Variants in WDR26 observed in about 807,000 individuals in gnomAD.
The protein encoded by WDR26 is WD repeat domain 26.
Under a neutral mutation model 84.1 loss-of-function variants are expected in WDR26, and 5 were observed. The observed-to-expected ratio is 0.06, with a 90% CI of 0.03 to 0.13. WDR26 has a LOEUF of 0.13. Ranked by LOEUF, WDR26 falls within the 10% of genes least tolerant of loss-of-function variation. WDR26 has a pLI of 1.00. For missense variants in WDR26, 642 were observed against 974.9 expected, an observed-to-expected ratio of 0.66 and a Z score of 4.55; for synonymous variants, 415 against 389.6, an observed-to-expected ratio of 1.07 and a Z score of -0.77.
At chr1:224,399,787 GATTT>G (rs1295395333) in intron 9 of WDR26, among the ~76,000 whole-genome samples, 1 of 152,144 alleles carries the variant, frequency 6.6e-6, no homozygotes, top group Non-Finnish European at 1.5e-5. Flanking sequence ...TAAATTAAAT[GATTT>G]ATTATCTTGT....
chr1:224,404,646 C>T (rs1362735027), intron 7 of WDR26, 76 bp from the exon 8 acceptor site: 1 of 1,504,436 alleles, frequency 6.6e-7, no homozygotes, highest in Non-Finnish European at 9.0e-7. Flanking sequence ...ACTTAAATAG[C>T]TACAAAGATG....
intron 13 of WDR26, among the ~76,000 whole-genome samples, chr1:224,393,374 CATGTT>C (rs1181620325): frequency 6.6e-6 from 1 of 152,162 alleles, no homozygotes; most frequent in Non-Finnish European, 1.5e-5. Context: ...AAACACAACT[CATGTT>C]AGTATGATGC....
rs1674558998 is a variant in WDR26 at position 224,434,690 on chromosome 1, C to T, written c.-285G>A. The T allele has an allele frequency of 1.4e-5, 10 of 705,778 alleles. No individual in the cohort carries two copies. The South Asian group carries it at 4.3e-4, about 30-fold the overall frequency. The allele number at this position is 705,778 out of a possible 1,614,324, so 43.7% of individuals were successfully genotyped here. Reference sequence around the variant, plus strand: ...CTGGGCTGAGCCCCGGCAGTGGCTGCGGCGGCGGCGGCGGCGGGCGGCAGC... The same window carrying T: ...CTGGGCTGAGCCCCGGCAGTGGCTGTGGCGGCGGCGGCGGCGGGCGGCAGC... On this transcript the variant is annotated 5_prime_UTR_variant, in exon 1 of 14. Transcript: ENST00000414423.
At chr1:224,393,405 G>A (rs988333157) in intron 13 of WDR26, among the ~76,000 whole-genome samples, 3 of 152,006 alleles carry the variant, frequency 2.0e-5, no homozygotes, top group South Asian at 2.1e-4. Flanking sequence ...GCAAACAGAC[G>A]TTTACTTTTT....
At chr1:224,430,088 A>ATT (rs1674341720) in intron 3 of WDR26, 1 of 152,168 alleles carries the variant, frequency 6.6e-6, no homozygotes, top group Non-Finnish European at 1.5e-5. Flanking sequence ...ATTTTAGCTC[A>ATT]TTCAGTCAGA....
At chr1:224,421,861 T>TATTA (rs1300221914) in intron 4 of WDR26, among the ~76,000 whole-genome samples, 2 of 152,226 alleles carry the variant, frequency 1.3e-5, no homozygotes, top group Admixed American at 1.3e-4. Context: ...CTTTGAGTCC[T>TATTA]GCTTTCTGAA....
intron 12 of WDR26, among the ~76,000 whole-genome samples, chr1:224,397,023 G>A (rs1198639767): frequency 6.6e-6 from 1 of 152,190 alleles, no homozygotes; most frequent in East Asian, 1.9e-4. Flanking sequence ...TAAACCTCAT[G>A]TGCACTTTAT....
rs1673061840 is a variant in WDR26, at chr1:224,389,326, A to T, written c.*509T>A. 1 of 211,660 alleles carries T rather than the reference A, an allele frequency of 4.7e-6. No individual in the cohort carries two copies. The highest frequency in any genetic ancestry group is 5.8e-5 in the Admixed American group (1 of 17,122). The allele number at this position is 211,660 out of a possible 1,614,324, so 13.1% of individuals were successfully genotyped here. ...GGGCAAGGCTAGAATCCATGAACCAAGCTGCAAAGATCTCAAGCTAAATAA... is the reference window on the plus strand; with the variant it reads ...GGGCAAGGCTAGAATCCATGAACCATGCTGCAAAGATCTCAAGCTAAATAA... On this transcript the variant is annotated 3_prime_UTR_variant, in exon 14 of 14. Transcript: ENST00000414423.
chr1:224,389,742 A>G lies in WDR26; in HGVS notation c.*93T>C. The G allele has an allele frequency of 7.9e-7, 1 of 1,258,800 alleles. No individual in the cohort carries two copies. The highest frequency in any genetic ancestry group is 1.2e-5 in the South Asian group (1 of 82,802). 78.0% of individuals were successfully genotyped at this position (1,258,800 alleles called of 1,614,324 possible). On this transcript the variant is annotated 3_prime_UTR_variant, in exon 14 of 14. Transcript: ENST00000414423. ...TTTTTCATGACGAGCATGTCTGTCC[A>G]GCTATCAATCATGTTTGTTTGCACC...
intron 6 of WDR26, among the ~76,000 whole-genome samples, chr1:224,416,851 T>C (rs2102911458): frequency 6.6e-6 from 1 of 152,332 alleles, no homozygotes; most frequent in East Asian, 1.9e-4. Flanking sequence ...AACTATATAG[T>C]CTTTTAATCT....
chr1:224,418,298 T>C lies in WDR26; in HGVS notation c.1281A>G (p.Leu427=). The change falls in exon 6 of 14, where the codon CTA becomes CTG. Residue 427 remains leucine, a synonymous_variant. Coordinates refer to ENST00000414423, the MANE Select transcript of WDR26 (RefSeq NM_001379403.1). ...GGTCTATAAGCAGAGACACAGAATC[T>C]AGATTATTATCAAGTTTGGTATTGT... 6.2e-7 allele frequency: 1 copy of C among 1,613,480 alleles called. No homozygotes were observed. The highest frequency in any genetic ancestry group is 1.1e-5 in the South Asian group (1 of 90,926).
chr1:224,414,983 G>T (rs1673852373), intron 6 of WDR26, among the ~76,000 whole-genome samples: 1 of 152,020 alleles, frequency 6.6e-6, no homozygotes, highest in Non-Finnish European at 1.5e-5. Context: ...CTCCAACTTG[G>T]GCTACAGGGC....
intron 8 of WDR26, 135 bp from the exon 9 acceptor site, chr1:224,401,204 T>A: frequency 1.2e-6 from 1 of 827,354 alleles, no homozygotes. Flanking sequence ...TAAGTGACCC[T>A]ACAAAAAAGA....
chr1:224,426,947 A>G (rs1310137752), intron 3 of WDR26, among the ~76,000 whole-genome samples: 2 of 151,224 alleles, frequency 1.3e-5, no homozygotes, highest in Non-Finnish European at 2.9e-5. Context: ...AAAAAAATAC[A>G]AAAAAATTAG....
intron 6 of WDR26, 137 bp from the exon 7 acceptor site, chr1:224,411,702 ATCT>A (rs1673742676): frequency 1.0e-6 from 1 of 1,003,448 alleles, no homozygotes; most frequent in African/African-American, 1.9e-5. Flanking sequence ...GCATTTGTAA[ATCT>A]TTTTTTTTTT....
intron 3 of WDR26, chr1:224,431,272 T>C (rs1326823393): frequency 2.1e-6 from 1 of 469,694 alleles, no homozygotes; most frequent in Non-Finnish European, 3.8e-6. Context: ...GCTTAATTTA[T>C]AAGGTTCAAA....
rs750115769 is a variant in WDR26, at chr1:224,387,301, T to C, written c.*2534A>G. On this transcript the variant is annotated 3_prime_UTR_variant, in exon 14 of 14. Transcript: ENST00000414423. Reference sequence around the variant, plus strand: ...ATCCTGCGATCAGTTTCTCATACCATAAAATCCTAGGCTTCTTTACCATTG... The same window carrying C: ...ATCCTGCGATCAGTTTCTCATACCACAAAATCCTAGGCTTCTTTACCATTG... The C allele has an allele frequency of 4.6e-5, 7 of 152,602 alleles. No homozygotes were observed. The highest frequency in any genetic ancestry group is 7.3e-5 in the Non-Finnish European group (5 of 68,042). 9.5% of individuals were successfully genotyped at this position (152,602 alleles called of 1,614,324 possible).
chr1:224,417,755 A>G (rs916349548), intron 6 of WDR26, among the ~76,000 whole-genome samples: 8 of 152,214 alleles, frequency 5.3e-5, no homozygotes, highest in Non-Finnish European at 1.0e-4. Context: ...AATTTTAGAG[A>G]CCATTAAAAT....
chr1:224,424,058 C>A (rs1228229322), intron 4 of WDR26, among the ~76,000 whole-genome samples: 1 of 151,640 alleles, frequency 6.6e-6, no homozygotes, highest in Non-Finnish European at 1.5e-5. Context: ...CCTTCACCCC[C>A]CAAAAAAGGA....
Sources: gnomAD v4.1 joint callset for allele counts (sites outside exome capture counted in the v4.1 genomes callset) on GRCh38, gnomAD v4.1.1 for gene constraint, MANE v1.5 for transcripts, NCBI Gene and HGNC (gene_info 2026-07-23, HGNC 2026-07-21) for gene names.